Variants in LINGO2 observed in about 807,000 individuals in gnomAD.
The protein encoded by LINGO2 is leucine rich repeat and Ig domain containing 2.
LINGO2 carries 14 observed loss-of-function variants against 30.6 expected under a neutral mutation model. That is an observed-to-expected ratio of 0.46 (90% CI 0.30 to 0.72). LINGO2 has a LOEUF of 0.72. Among genes scored for constraint, LINGO2 ranks in the 30% least tolerant of loss-of-function variants. The probability of loss-of-function intolerance (pLI) is 0.07; values close to 1 mark genes in which losing one functional copy is unlikely to be tolerated. For synonymous variants in LINGO2, 317 were observed against 288.5 expected (o/e 1.10, Z -1.00); for missense variants, 729 against 751.7 (o/e 0.97, Z 0.35).
chr9:28,211,054 A>C (rs925174812), intron 4 of LINGO2, among the ~76,000 whole-genome samples: 1 of 151,564 alleles, frequency 6.6e-6, no homozygotes, highest in Admixed American at 6.6e-5. Context: ...AAATTTCATA[A>C]GCACTCTTAA....
the LINGO2 span, among the ~76,000 whole-genome samples, chr9:28,800,026 T>C: frequency 2.0e-5 from 3 of 152,266 alleles, no homozygotes; most frequent in Non-Finnish European, 2.9e-5. Flanking sequence ...CTTAGGTTTA[T>C]TGACTTTGTT....
chr9:28,105,944 A>G (rs1002582666), intron 4 of LINGO2, among the ~76,000 whole-genome samples: 1 of 152,080 alleles, frequency 6.6e-6, no homozygotes, highest in African/African-American at 2.4e-5. Context: ...TAGCCTGGTA[A>G]TGGTCTGTGG....
chr9:28,099,791 A>G (rs186389285), intron 4 of LINGO2, among the ~76,000 whole-genome samples: 6 of 152,248 alleles, frequency 3.9e-5, no homozygotes, highest in African/African-American at 1.4e-4. Context: ...TAAAAAACCT[A>G]CTTCTCCAAC....
chr9:28,468,384 A>G (rs1825393942), intron 2 of LINGO2, among the ~76,000 whole-genome samples: 1 of 152,184 alleles, frequency 6.6e-6, no homozygotes, highest in African/African-American at 2.4e-5. Context: ...AACTCAGAAG[A>G]GGAAACAGTA....
intron 4 of LINGO2, among the ~76,000 whole-genome samples, chr9:28,272,705 G>T (rs749080425): frequency 6.6e-6 from 1 of 151,620 alleles, no homozygotes; most frequent in Non-Finnish European, 1.5e-5. Context: ...AAACTACAAG[G>T]CTTATAAAAA....
the LINGO2 span, among the ~76,000 whole-genome samples, chr9:28,675,535 A>G: frequency 1.3e-5 from 2 of 152,114 alleles, no homozygotes; most frequent in Admixed American, 6.5e-5. Flanking sequence ...TAAACAAACA[A>G]AAGTTTATAA....
chr9:29,054,841 TAGAC>T, the LINGO2 span, among the ~76,000 whole-genome samples: 2 of 152,014 alleles, frequency 1.3e-5, no homozygotes, highest in African/African-American at 4.8e-5. Context: ...TAATGAAAAT[TAGAC>T]AGGATCAGAT....
intron 4 of LINGO2, among the ~76,000 whole-genome samples, chr9:28,053,356 CA>C (rs1263355862): frequency 1.3e-5 from 2 of 151,780 alleles, no homozygotes; most frequent in Non-Finnish European, 1.5e-5. Flanking sequence ...TCGTAAGAGA[CA>C]AAACTAGAAT....
chr9:28,707,412 C>A, the LINGO2 span, among the ~76,000 whole-genome samples: 1 of 152,132 alleles, frequency 6.6e-6, no homozygotes, highest in African/African-American at 2.4e-5. Flanking sequence ...CTTCCATTTT[C>A]TCCATCCATC....
chr9:28,286,353 T>C (rs1823507725), intron 4 of LINGO2, among the ~76,000 whole-genome samples: 1 of 152,166 alleles, frequency 6.6e-6, no homozygotes, highest in Admixed American at 6.5e-5. Flanking sequence ...GCTTATACAC[T>C]ATTAGAGGAA....
At chr9:28,961,899 T>C in the LINGO2 span, among the ~76,000 whole-genome samples, 2 of 152,142 alleles carry the variant, frequency 1.3e-5, no homozygotes, top group Admixed American at 6.6e-5. Context: ...GAGTCCTCTG[T>C]GGAAAACTTA....
rs79852729 is a variant in LINGO2, at chr9:28,407,241, G to A, written c.-278-34373C>T. ...CAATAAAAAAAGGAGGGAGGGGCAG[G>A]TTAAGGAATAATTGAGGCAAAGAGA... On this transcript the variant is annotated intron_variant, in intron 2 of 5. Coordinates refer to ENST00000379992, the Ensembl canonical transcript of LINGO2. 3.7e-3 allele frequency among the ~76,000 whole-genome samples: 508 copies of A among 137,152 alleles called. 3 individuals carry two copies. The highest frequency in any genetic ancestry group is 0.013 in the African/African-American group (488 of 36,968). 90.0% of individuals were successfully genotyped at this position (137,152 alleles called of 152,430 possible).
At chr9:28,051,213 T>TA (rs1824655260) in intron 4 of LINGO2, among the ~76,000 whole-genome samples, 1 of 141,038 alleles carries the variant, frequency 7.1e-6, no homozygotes, top group Non-Finnish European at 1.5e-5. Context: ...CACCATCAGC[T>TA]AGTATAGTTT....
At chr9:28,593,265 T>C (rs1825009229) in intron 1 of LINGO2, among the ~76,000 whole-genome samples, 1 of 152,094 alleles carries the variant, frequency 6.6e-6, no homozygotes, top group South Asian at 2.1e-4. Context: ...AAATGTTCCA[T>C]ACACATAATT....
intron 4 of LINGO2, among the ~76,000 whole-genome samples, chr9:28,179,367 G>A (rs1828838973): frequency 8.7e-6 from 1 of 114,894 alleles, no homozygotes; most frequent in Non-Finnish European, 1.8e-5. Flanking sequence ...CTATATGTAT[G>A]TATATTATGC....
At chr9:28,345,314 T>C (rs1474921063) in intron 3 of LINGO2, among the ~76,000 whole-genome samples, 1 of 152,122 alleles carries the variant, frequency 6.6e-6, no homozygotes, top group African/African-American at 2.4e-5. Flanking sequence ...GCATAATAAA[T>C]AAAATTGTGA....
chr9:28,833,086 G>T, the LINGO2 span, among the ~76,000 whole-genome samples: 1 of 151,990 alleles, frequency 6.6e-6, no homozygotes, highest in Non-Finnish European at 1.5e-5. Flanking sequence ...CTAAAGTTTT[G>T]AGGAACCAGA....
intron 2 of LINGO2, among the ~76,000 whole-genome samples, chr9:28,383,366 G>A (rs1821437560): frequency 6.6e-6 from 1 of 151,322 alleles, no homozygotes; most frequent in Non-Finnish European, 1.5e-5. Context: ...TTTCTCCTCT[G>A]TTTTTAATCT....
chr9:28,445,913 G>A (rs1824407424), intron 2 of LINGO2, among the ~76,000 whole-genome samples: 1 of 152,044 alleles, frequency 6.6e-6, no homozygotes, highest in African/African-American at 2.4e-5. Context: ...AAGGGCATCT[G>A]AATTCAAAAA....
Sources: allele counts gnomAD v4.1 joint callset (sites outside exome capture counted in the v4.1 genomes callset), GRCh38; gene constraint gnomAD v4.1.1; transcripts MANE v1.5; gene names NCBI Gene and HGNC (gene_info 2026-07-23, HGNC 2026-07-21).